Variants in SAMD12 observed in about 807,000 individuals in gnomAD.
The protein encoded by SAMD12 is sterile alpha motif domain-containing protein 12.
SAMD12 carries 9 observed loss-of-function variants against 15.0 expected under a neutral mutation model. The observed-to-expected ratio is 0.60, with a 90% CI of 0.36 to 1.05. The LOEUF (loss-of-function observed/expected upper bound fraction) is 1.05. Ranked by LOEUF, SAMD12 falls within the 50% of genes least tolerant of loss-of-function variation. The pLI is 0.01. For synonymous variants in SAMD12, 86 were observed against 90.1 expected (o/e 0.96, Z 0.25); for missense variants, 230 against 234.2 (o/e 0.98, Z 0.12).
intron 2 of SAMD12, among the ~76,000 whole-genome samples, chr8:118,447,925 T>C (rs1192860395): frequency 6.6e-6 from 1 of 151,582 alleles, no homozygotes; most frequent in Non-Finnish European, 1.5e-5. Flanking sequence ...AGACGGGGTT[T>C]CACTGTGTTA....
chr8:118,303,116 T>C (rs984827597), intron 4 of SAMD12, among the ~76,000 whole-genome samples: 3 of 152,208 alleles, frequency 2.0e-5, no homozygotes, highest in Admixed American at 2.0e-4. Flanking sequence ...ACAAAAGATA[T>C]GTTTTCATTT....
At chr8:118,158,248 T>C in the SAMD12 span, among the ~76,000 whole-genome samples, 2 of 152,142 alleles carry the variant, frequency 1.3e-5, no homozygotes, top group Admixed American at 1.3e-4. Flanking sequence ...TCCAAAAGGA[T>C]TAGAGGAAAC....
chr8:118,139,885 A>G, the SAMD12 span, among the ~76,000 whole-genome samples: 3 of 152,200 alleles, frequency 2.0e-5, no homozygotes, highest in Non-Finnish European at 4.4e-5. Flanking sequence ...CTCTAGGGTG[A>G]TAAGCACATT....
the SAMD12 span, among the ~76,000 whole-genome samples, chr8:118,135,018 G>C: frequency 2.6e-5 from 4 of 152,204 alleles, no homozygotes; most frequent in Admixed American, 2.6e-4. Context: ...AGGTGCTGCT[G>C]CTGGTCCAGA....
At chr8:118,332,699 T>C (rs779590084) in intron 4 of SAMD12, among the ~76,000 whole-genome samples, 3 of 152,246 alleles carry the variant, frequency 2.0e-5, no homozygotes, top group Non-Finnish European at 4.4e-5. Context: ...GGTTTACTGT[T>C]GACATTCCAA....
exon 5 of SAMD12, chr8:118,197,483 T>G: frequency 1.7e-6 from 1 of 590,142 alleles, no homozygotes. Flanking sequence ...AATGACCACT[T>G]GGAATGAGTT....
intron 4 of SAMD12, among the ~76,000 whole-genome samples, chr8:118,229,766 G>C (rs2451176): frequency 0.87 from 131,413 of 151,830 alleles, 58,033 homozygotes; most frequent in Non-Finnish European, 0.92. Context: ...TACAGACACT[G>C]TCACATAGAA....
intron 2 of SAMD12, among the ~76,000 whole-genome samples, chr8:118,543,549 A>G (rs1728702630): frequency 6.6e-6 from 1 of 152,028 alleles, no homozygotes; most frequent in Non-Finnish European, 1.5e-5. Context: ...GTGGCCGAGG[A>G]CAGCTTTAAA....
At chr8:118,223,236 C>G (rs1257072611) in intron 4 of SAMD12, among the ~76,000 whole-genome samples, 3 of 152,150 alleles carry the variant, frequency 2.0e-5, no homozygotes, top group Non-Finnish European at 4.4e-5. Flanking sequence ...ACCCTTTTAT[C>G]TTAATACACT....
chr8:118,153,557 A>G, the SAMD12 span, among the ~76,000 whole-genome samples: 44 of 152,302 alleles, frequency 2.9e-4, no homozygotes, highest in African/African-American at 9.1e-4. Context: ...CCCAGACTCA[A>G]GTGGCTTGGT....
chr8:118,568,856 T>A (rs1039186129), intron 2 of SAMD12, among the ~76,000 whole-genome samples: 8 of 152,164 alleles, frequency 5.3e-5, no homozygotes, highest in Admixed American at 5.2e-4. Flanking sequence ...AAGCATATTT[T>A]CAGTATCATA....
intron 4 of SAMD12, among the ~76,000 whole-genome samples, chr8:118,366,775 G>T (rs1051045250): frequency 6.7e-6 from 1 of 148,978 alleles, no homozygotes; most frequent in African/African-American, 2.5e-5. Context: ...TCGCGCCATT[G>T]CACTCCAGCC....
intron 4 of SAMD12, among the ~76,000 whole-genome samples, chr8:118,363,021 A>G (rs1184066283): frequency 6.6e-6 from 1 of 152,238 alleles, no homozygotes; most frequent in African/African-American, 2.4e-5. Context: ...ATGGAGGGTG[A>G]TAACTATGTT....
chr8:118,480,952 CT>C (rs1292992024), intron 2 of SAMD12, among the ~76,000 whole-genome samples: 1 of 152,050 alleles, frequency 6.6e-6, no homozygotes, highest in African/African-American at 2.4e-5. Flanking sequence ...GTTTATTTTA[CT>C]TTATTTTGAG....
intron 2 of SAMD12, among the ~76,000 whole-genome samples, chr8:118,556,951 G>A (rs1189902613): frequency 2.0e-5 from 3 of 151,038 alleles, no homozygotes; most frequent in Non-Finnish European, 2.9e-5. Context: ...GCGACAGTGC[G>A]AGACTCCATC....
intron 4 of SAMD12, among the ~76,000 whole-genome samples, chr8:118,227,893 G>A (rs1812221449): frequency 6.6e-6 from 1 of 152,042 alleles, no homozygotes; most frequent in Admixed American, 6.6e-5. Flanking sequence ...TATACTACAA[G>A]GCCATTGTCA....
intron 2 of SAMD12, among the ~76,000 whole-genome samples, chr8:118,556,329 C>T (rs1479479176): frequency 6.6e-6 from 1 of 152,180 alleles, no homozygotes; most frequent in Non-Finnish European, 1.5e-5. Flanking sequence ...TCAGCATGGT[C>T]TTCTAGAATT....
intron 3 of SAMD12, 75 bp downstream of exon 3, chr8:118,439,757 G>A: frequency 2.1e-6 from 3 of 1,421,972 alleles, no homozygotes; most frequent in East Asian, 2.3e-5. Flanking sequence ...TTGTTTCATG[G>A]TAAGGGTATG....
chr8:118,316,670 C>G (rs1815923022), intron 4 of SAMD12, among the ~76,000 whole-genome samples: 1 of 151,986 alleles, frequency 6.6e-6, no homozygotes, highest in African/African-American at 2.4e-5. Context: ...CTGGTACAAC[C>G]ACTTGGCGGC....
Sources: gnomAD v4.1 joint callset for allele counts (sites outside exome capture counted in the v4.1 genomes callset) on GRCh38, gnomAD v4.1.1 for gene constraint, MANE v1.5 for transcripts, NCBI Gene and HGNC (gene_info 2026-07-23, HGNC 2026-07-21) for gene names.